Variants in SEL1L observed in about 807,000 individuals in gnomAD.
SEL1L encodes the protein protein sel-1 homolog 1.
A neutral mutation model predicts 109.8 loss-of-function variants in SEL1L; 52 were observed. The observed-to-expected ratio is 0.47, with a 90% CI of 0.38 to 0.60. The LOEUF is 0.60. Ranked by LOEUF, SEL1L falls within the 20% of genes least tolerant of loss-of-function variation. The probability of loss-of-function intolerance (pLI) is 0.00; values close to 1 mark genes in which losing one functional copy is unlikely to be tolerated. For synonymous variants in SEL1L, 373 were observed against 339.6 expected (o/e 1.10, Z -1.08); for missense variants, 749 against 962.2 (o/e 0.78, Z 2.93).
rs1314533149 is a variant in SEL1L at position 81,476,434 on chromosome 14, G to A, written c.*538C>T. Reference sequence around the variant, plus strand: ...TGCTGAATATGTCTAATTGCATGTGGACTGGTAAGAGTTTCTCAGTTATCG... The same window carrying A: ...TGCTGAATATGTCTAATTGCATGTGAACTGGTAAGAGTTTCTCAGTTATCG... On this transcript the variant is annotated 3_prime_UTR_variant, in exon 21 of 21. Coordinates refer to ENST00000336735, the MANE Select transcript of SEL1L (RefSeq NM_005065.6). 6.6e-6 allele frequency: 1 copy of A among 152,476 alleles called. No individual in the cohort carries two copies. Among genetic ancestry groups the A allele is most frequent in the African/African-American group, 2.4e-5 (1 of 41,314 alleles). 9.4% of individuals were successfully genotyped at this position (152,476 alleles called of 1,614,324 possible). A position where few individuals can be genotyped will look rare whatever the true frequency, so the allele number is the denominator to read the frequency against.
intron 1 of SEL1L, among the ~76,000 whole-genome samples, chr14:81,532,387 C>CA (rs1323236604): frequency 6.6e-6 from 1 of 152,326 alleles, no homozygotes; most frequent in Admixed American, 6.5e-5. Flanking sequence ...GTACTCTACT[C>CA]ATTAAGCTCA....
At chr14:81,500,751 C>T (rs1296943391) in intron 6 of SEL1L, among the ~76,000 whole-genome samples, 2 of 149,224 alleles carry the variant, frequency 1.3e-5, no homozygotes, top group Non-Finnish European at 1.5e-5. Context: ...GATAAACTAT[C>T]TCAGATATAA....
intron 12 of SEL1L, among the ~76,000 whole-genome samples, chr14:81,492,192 C>T (rs12887741): frequency 0.39 from 58,614 of 151,818 alleles, 13,086 homozygotes; most frequent in East Asian, 0.55. Context: ...GGGGTTTCAC[C>T]GTGTTAGCCA....
rs1883868694 is a variant in SEL1L at position 81,498,447 on chromosome 14, A to G, written c.939T>C (p.Ser313=). 5 of 1,613,970 alleles carry G rather than the reference A, an allele frequency of 3.1e-6. 1 individual carries two copies. The Admixed American group carries it at 8.3e-5, about 27-fold the overall frequency. Residue 313 remains serine, a synonymous_variant, in exon 9 of 21, where the codon TCT becomes TCC. Transcript: ENST00000336735. ...AGIGVLQSCE[S]ALTHYRLVAN... ...CAACAAGACGATAGTGAGTCAGGGC[A>G]GATTCACAACTCTGGAGGACGCCGA... is the stretch of plus-strand genomic sequence containing the variant.
At chr14:81,493,407 G>A (rs1261151144) in intron 11 of SEL1L, among the ~76,000 whole-genome samples, 1 of 152,144 alleles carries the variant, frequency 6.6e-6, no homozygotes, top group Non-Finnish European at 1.5e-5. Context: ...CTACTCAGGA[G>A]GCTGACGCAG....
At chr14:81,486,190 G>T in intron 17 of SEL1L, 99 bp downstream of exon 17, 1 of 1,138,184 alleles carries the variant, frequency 8.8e-7, no homozygotes, top group Non-Finnish European at 1.3e-6. Context: ...CAATAATAAA[G>T]AATGTTTCCT....
intron 18 of SEL1L, 157 bp from the exon 19 acceptor site, chr14:81,484,554 G>T: frequency 1.5e-6 from 1 of 679,278 alleles, no homozygotes; most frequent in Non-Finnish European, 2.3e-6. Context: ...AAGTTATAAA[G>T]TCCAGTAAAA....
At chr14:81,532,035 C>G (rs550038303) in intron 1 of SEL1L, among the ~76,000 whole-genome samples, 2 of 152,310 alleles carry the variant, frequency 1.3e-5, no homozygotes, top group South Asian at 4.1e-4. Context: ...TCAATACAAC[C>G]CAAGGATTTA....
chr14:81,476,988 T>C lies in SEL1L; in HGVS notation c.2369A>G (p.Gln790Arg). The change falls in exon 21 of 21, where the codon CAG becomes CGG. Residue 790 changes from glutamine to arginine, a missense_variant. Transcript: ENST00000336735. ...CAGTGCCTATTACTGTGGTGGCTGC[T>C]GCTCTGGTGGCCCCTCCTGCTGGGG... ...APPQQEGPPE[Q>R]QPPQ 1.2e-6 allele frequency: 2 copies of C among 1,614,218 alleles called. No homozygotes were observed. The highest frequency in any genetic ancestry group is 1.7e-6 in the Non-Finnish European group (2 of 1,180,046).
At chr14:81,505,543 T>C (rs1172026539) in intron 4 of SEL1L, among the ~76,000 whole-genome samples, 2 of 150,142 alleles carry the variant, frequency 1.3e-5, no homozygotes, top group Non-Finnish European at 2.9e-5. Flanking sequence ...TTTAAGGGAT[T>C]ATGTTCAAGA....
intron 1 of SEL1L, among the ~76,000 whole-genome samples, chr14:81,532,495 C>A (rs1241339439): frequency 6.6e-6 from 1 of 152,144 alleles, no homozygotes; most frequent in Non-Finnish European, 1.5e-5. Flanking sequence ...TAACTCAAAC[C>A]ATCACTACTA....
intron 18 of SEL1L, 83 bp from the exon 19 acceptor site, chr14:81,484,480 T>C (rs982722423): frequency 1.6e-6 from 2 of 1,270,906 alleles, no homozygotes; most frequent in African/African-American, 3.0e-5. Flanking sequence ...CCCATTGACA[T>C]GCTTACATAA....
At chr14:81,496,664 C>T (rs939350816) in intron 10 of SEL1L, among the ~76,000 whole-genome samples, 1 of 151,912 alleles carries the variant, frequency 6.6e-6, no homozygotes. Context: ...CGCTTGAACC[C>T]GGGAAGCGGA....
intron 1 of SEL1L, among the ~76,000 whole-genome samples, chr14:81,532,622 C>T (rs1595542637): frequency 6.6e-6 from 1 of 151,890 alleles, no homozygotes; most frequent in Non-Finnish European, 1.5e-5. Flanking sequence ...TAGGTTTAAG[C>T]CTCTTATTTT....
At chr14:81,483,161 C>T (rs1465325421) in intron 19 of SEL1L, among the ~76,000 whole-genome samples, 1 of 152,040 alleles carries the variant, frequency 6.6e-6, no homozygotes, top group African/African-American at 2.4e-5. Flanking sequence ...GAAATTCTTC[C>T]CATTTTCACA....
At chr14:81,526,453 T>G (rs12894171) in intron 3 of SEL1L, among the ~76,000 whole-genome samples, 34,509 of 152,142 alleles carry the variant, frequency 0.23, 5,009 homozygotes, top group Non-Finnish European at 0.31. Context: ...CAGTGAGAAA[T>G]GTATTTACAT....
intron 1 of SEL1L, among the ~76,000 whole-genome samples, chr14:81,532,737 T>A (rs985157745): frequency 6.6e-6 from 1 of 152,100 alleles, no homozygotes; most frequent in Non-Finnish European, 1.5e-5. Flanking sequence ...CTGACATTTA[T>A]TAAAAAAAGA....
At position 81,499,638 on chromosome 14, in the gene SEL1L, C is replaced by G. The variant is rs1487152327; in HGVS notation, c.802G>C (p.Gly268Arg). The part of the protein sequence containing the change: ...QTALGFLYAS[G>R]LGVNSSQAKA... ...GCCTGACTTGAATTAACACCAAGTC[C>G]AGAGGCATACAGAAAGCCAAGAGCC... Residue 268 changes from glycine to arginine, a missense_variant, in exon 7 of 21, where the codon GGA becomes CGA. This residue lies in a region of SEL1L where 366 missense variants were observed against 399.8 expected (regional missense o/e 0.92). Coordinates refer to ENST00000336735, the MANE Select transcript of SEL1L (RefSeq NM_005065.6). The G allele has an allele frequency of 6.2e-7, 1 of 1,608,008 alleles. No homozygotes were observed. The highest frequency in any genetic ancestry group is 8.5e-7 in the Non-Finnish European group (1 of 1,178,748).
At chr14:81,526,000 T>C (rs1196602869) in intron 3 of SEL1L, among the ~76,000 whole-genome samples, 2 of 152,170 alleles carry the variant, frequency 1.3e-5, no homozygotes, top group Non-Finnish European at 2.9e-5. Flanking sequence ...ATGAGAATGG[T>C]ATATTTGTAG....
Sources: allele counts gnomAD v4.1 joint callset (sites outside exome capture counted in the v4.1 genomes callset), GRCh38; gene constraint gnomAD v4.1.1; regional missense constraint gnomAD v4.1.1; transcripts MANE v1.5; gene names NCBI Gene and HGNC (gene_info 2026-07-23, HGNC 2026-07-21).